Variants in HSPA12A observed in about 807,000 individuals in gnomAD.
The protein encoded by HSPA12A is heat shock 70 kDa protein 12A.
HSPA12A carries 28 observed loss-of-function variants against 69.2 expected under a neutral mutation model. The ratio of observed to expected loss-of-function variants is 0.40; its 90% CI spans 0.30 to 0.55. The LOEUF is 0.55. Among genes scored for constraint, HSPA12A ranks in the 20% least tolerant of loss-of-function variants. HSPA12A has a pLI of 0.38. For synonymous variants in HSPA12A, 345 were observed against 370.5 expected (o/e 0.93, Z 0.79); for missense variants, 686 against 900.7 (o/e 0.76, Z 3.05).
At chr10:116,678,022 C>T (rs1554878057) in intron 10 of HSPA12A, among the ~76,000 whole-genome samples, 2 of 150,578 alleles carry the variant, frequency 1.3e-5, no homozygotes, top group African/African-American at 2.4e-5. Context: ...GGTTGAAACC[C>T]AACCTATTTA....
At chr10:116,711,066 T>C (rs140276934) in intron 1 of HSPA12A, among the ~76,000 whole-genome samples, 1 of 152,312 alleles carries the variant, frequency 6.6e-6, no homozygotes, top group East Asian at 1.9e-4. Flanking sequence ...TATAAGCTAA[T>C]GGACAACAGG....
At chr10:116,782,924 AC>A (rs1366637583) in intron 2 of HSPA12A, among the ~76,000 whole-genome samples, 1 of 152,160 alleles carries the variant, frequency 6.6e-6, no homozygotes, top group African/African-American at 2.4e-5. Flanking sequence ...ACACAGGGTC[AC>A]CCTCACGGAG....
At chr10:116,757,227 C>T (rs1373001775) in intron 2 of HSPA12A, among the ~76,000 whole-genome samples, 1 of 152,164 alleles carries the variant, frequency 6.6e-6, no homozygotes, top group African/African-American at 2.4e-5. Context: ...CCTCAGGATT[C>T]CTGGAGTTCT....
chr10:116,826,780 G>A (rs1214172015), intron 2 of HSPA12A, among the ~76,000 whole-genome samples: 1 of 152,214 alleles, frequency 6.6e-6, no homozygotes, highest in African/African-American at 2.4e-5. Flanking sequence ...GGGGGACTAT[G>A]TGGCTCTTTG....
chr10:116,775,179 C>T (rs981979966), intron 2 of HSPA12A, among the ~76,000 whole-genome samples: 7 of 152,230 alleles, frequency 4.6e-5, no homozygotes, highest in Middle Eastern at 3.2e-3. Context: ...TAAGAACGTG[C>T]GAGTTCCTTA....
intron 2 of HSPA12A, among the ~76,000 whole-genome samples, chr10:116,777,327 T>C (rs1337716240): frequency 6.6e-6 from 1 of 152,270 alleles, no homozygotes; most frequent in African/African-American, 2.4e-5. Flanking sequence ...AAGAAATGAC[T>C]TAAAACAGTA....
intron 2 of HSPA12A, among the ~76,000 whole-genome samples, chr10:116,804,178 T>C (rs1022072992): frequency 6.6e-6 from 1 of 152,196 alleles, no homozygotes; most frequent in Non-Finnish European, 1.5e-5. Context: ...CGCATTTTCT[T>C]AAGCCACTCA....
At chr10:116,734,874 C>G (rs1304910431) in intron 1 of HSPA12A, among the ~76,000 whole-genome samples, 1 of 152,062 alleles carries the variant, frequency 6.6e-6, no homozygotes, top group Admixed American at 6.6e-5. Flanking sequence ...CGAGTGTAGT[C>G]CCAGCTACTC....
In HSPA12A at chr10:116,710,036, T is replaced by C. The variant is rs546007546; in HGVS notation, c.41-2751A>G. ...CAGCTCAGTTCCTAGACCAGCCTGC[T>C]GATCTCCACCATCTTTGCTAATCTC... On this transcript the variant is annotated intron_variant, in intron 1 of 11. Coordinates refer to ENST00000369209, the MANE Select transcript of HSPA12A (RefSeq NM_025015.3). This position sits in a 1 kb window ranked among gnomAD's most constrained non-coding sequence, Gnocchi z 4.1. Among the ~76,000 whole-genome samples the C allele has an allele frequency of 5.3e-5, 8 of 152,308 alleles. No individual in the cohort carries two copies. The South Asian group carries it at 1.7e-3, about 32-fold the overall frequency.
chr10:116,799,853 T>C (rs1038304829), intron 2 of HSPA12A, among the ~76,000 whole-genome samples: 4 of 152,192 alleles, frequency 2.6e-5, no homozygotes, highest in South Asian at 2.1e-4. Flanking sequence ...TGAGAACTCA[T>C]AGGCCAGGCC....
chr10:116,709,520 T>C (rs943227830), intron 1 of HSPA12A, among the ~76,000 whole-genome samples: 11 of 151,750 alleles, frequency 7.2e-5, no homozygotes, highest in Admixed American at 2.0e-4. Flanking sequence ...TATTTCATTG[T>C]AAAAAGGAAG....
At chr10:116,741,424 G>A (rs1554887137) in intron 1 of HSPA12A, among the ~76,000 whole-genome samples, 2 of 152,194 alleles carry the variant, frequency 1.3e-5, no homozygotes, top group Non-Finnish European at 2.9e-5. Flanking sequence ...TATCATCCTC[G>A]CAGGCGGCTT....
chr10:116,779,985 AG>A (rs1844428562), intron 2 of HSPA12A, among the ~76,000 whole-genome samples: 1 of 152,152 alleles, frequency 6.6e-6, no homozygotes, highest in Non-Finnish European at 1.5e-5. Context: ...TACCTAGAGG[AG>A]GCAGGCACCC....
chr10:116,675,116 T>G lies in HSPA12A; in HGVS notation c.1693A>C (p.Thr565Pro). The part of the protein sequence containing the change: ...LLVKDGTRWC[T>P]DVFDKFISAD... ...GAGATGAACTTGTCAAAGACGTCGG[T>G]GCACCACCGAGTGCCATCCTTCACC... is the stretch of plus-strand genomic sequence containing the variant. The change falls in exon 12 of 12, where the codon ACC (threonine) becomes CCC (proline). Residue 565 changes from threonine (T) to proline (P), a missense_variant. Physicochemically the swap from Thr to Pro is conservative, Grantham distance 38. Coordinates refer to ENST00000369209, the MANE Select transcript of HSPA12A (RefSeq NM_025015.3). The surrounding 1 kb of genome is among the most constrained non-coding windows in gnomAD (Gnocchi z 5.2). The G allele has an allele frequency of 6.2e-7, 1 of 1,613,950 alleles. No homozygotes were observed. The highest frequency in any genetic ancestry group is 8.5e-7 in the Non-Finnish European group (1 of 1,180,012).
At position 116,748,143 on chromosome 10, in the gene HSPA12A, T is replaced by C. The variant is rs556134876; in HGVS notation, c.92-40858A>G. 4.6e-5 allele frequency among the ~76,000 whole-genome samples: 7 copies of C among 152,324 alleles called. No individual in the cohort carries two copies. The South Asian group carries it at 1.4e-3, about 32-fold the overall frequency. On this transcript the variant is annotated intron_variant, in intron 2 of 12. Coordinates refer to the HSPA12A transcript ENST00000635765. Reference sequence around the variant, plus strand: ...CCAGCCCAGCTTAACCCTTGACCCTTGTTGGCCTCTTCTGCAAAATACAAA... The same window carrying C: ...CCAGCCCAGCTTAACCCTTGACCCTCGTTGGCCTCTTCTGCAAAATACAAA...
At chr10:116,839,475 A>G (rs1455792312) in intron 1 of HSPA12A, among the ~76,000 whole-genome samples, 2 of 152,128 alleles carry the variant, frequency 1.3e-5, no homozygotes, top group Non-Finnish European at 2.9e-5. Context: ...GACAGGGATC[A>G]CAGCTCCATT....
At chr10:116,838,431 G>T (rs1589734597) in intron 1 of HSPA12A, among the ~76,000 whole-genome samples, 1 of 152,134 alleles carries the variant, frequency 6.6e-6, no homozygotes, top group African/African-American at 2.4e-5. Flanking sequence ...TGGAGGGGGG[G>T]AAAACAGAAC....
At chr10:116,707,135 T>G (rs1554882534) in intron 2 of HSPA12A, 65 bp downstream of exon 2, 12 of 1,301,282 alleles carry the variant, frequency 9.2e-6, no homozygotes, top group African/African-American at 4.6e-5. Context: ...GCACGTGTGC[T>G]CATGCGCACC....
chr10:116,813,429 C>T (rs55991944), intron 2 of HSPA12A, among the ~76,000 whole-genome samples: 1 of 151,374 alleles, frequency 6.6e-6, no homozygotes, highest in African/African-American at 2.4e-5. Context: ...TTGTATTTTT[C>T]GTAGAGACAG....
Sources: allele counts gnomAD v4.1 joint callset (sites outside exome capture counted in the v4.1 genomes callset), GRCh38; gene constraint gnomAD v4.1.1; non-coding constraint Gnocchi (gnomAD v3.1); transcripts MANE v1.5; gene names NCBI Gene and HGNC (gene_info 2026-07-23, HGNC 2026-07-21).